The following FCRL2 variants were observed in gnomAD, a reference collection of about 807,000 sequenced individuals.
FCRL2 encodes Fc receptor like 2.
FCRL2 carries 48 observed loss-of-function variants against 59.8 expected under a neutral mutation model. The ratio of observed to expected loss-of-function variants is 0.80; its 90% CI spans 0.64 to 1.02. The LOEUF (loss-of-function observed/expected upper bound fraction) is 1.02, where lower values mean the gene tolerates loss of function less well. Among genes scored for constraint, FCRL2 ranks in the 50% least tolerant of loss-of-function variants. FCRL2 has a pLI of 0.00. For synonymous variants in FCRL2, 251 were observed against 229.5 expected (o/e 1.09, Z -0.85); for missense variants, 658 against 597.3 (o/e 1.10, Z -1.06).
At chr1:157,761,251 G>A (rs1649083582) in intron 7 of FCRL2, among the ~76,000 whole-genome samples, 4 of 152,174 alleles carry the variant, frequency 2.6e-5, no homozygotes. Flanking sequence ...TACAGGTTCT[G>A]GTCTGCCCTT....
intron 2 of FCRL2, among the ~76,000 whole-genome samples, chr1:157,771,328 C>T (rs753330340): frequency 4.6e-5 from 7 of 152,154 alleles, no homozygotes; most frequent in Non-Finnish European, 8.8e-5. Flanking sequence ...ATTTTTTCAT[C>T]CTCCATGCTG....
chr1:157,775,681 C>T (rs1650352497), intron 2 of FCRL2, 94 bp downstream of exon 2: 1 of 1,409,644 alleles, frequency 7.1e-7, no homozygotes, highest in Admixed American at 1.8e-5. Flanking sequence ...AGGACATCTT[C>T]ACAGGCTTTC....
chr1:157,765,357 C>T (rs1174861429), intron 7 of FCRL2, among the ~76,000 whole-genome samples: 1 of 152,114 alleles, frequency 6.6e-6, no homozygotes, highest in Non-Finnish European at 1.5e-5. Flanking sequence ...TCAAATTCTA[C>T]CAAATGTATA....
At position 157,775,777 on chromosome 1, in the gene FCRL2, G is replaced by A; in HGVS notation, c.50C>T (p.Ala17Val). The A allele has an allele frequency of 6.2e-7, 1 of 1,614,060 alleles. No individual in the cohort carries two copies. The highest frequency in any genetic ancestry group is 8.5e-7 in the Non-Finnish European group (1 of 1,179,946). The change falls in exon 2 of 12, where the codon GCA (alanine) becomes GTA (valine). Residue 17 changes from alanine to valine, a missense_variant and splice_region_variant. By Grantham distance (64) the Ala-to-Val change is moderately conservative. Transcript: ENST00000361516. ...LVIFDAVTEQ[A>V]DSLTLVAPSS... is the part of the protein sequence containing the mutation. Reference sequence around the variant, plus strand: ...CAACAAAGACAAGGAGGACTCACCTGCCTGTTCAGTGACTGCATCTGTGAG... The same window carrying A: ...CAACAAAGACAAGGAGGACTCACCTACCTGTTCAGTGACTGCATCTGTGAG...
chr1:157,748,279 C>T (rs955482055), intron 10 of FCRL2, among the ~76,000 whole-genome samples: 12 of 151,892 alleles, frequency 7.9e-5, no homozygotes, highest in South Asian at 6.2e-4. Flanking sequence ...GGCGTGGTGG[C>T]GCATGCCTCT....
intron 6 of FCRL2, 91 bp from the exon 7 acceptor site, chr1:157,767,062 A>C: frequency 7.3e-7 from 1 of 1,360,652 alleles, no homozygotes; most frequent in Non-Finnish European, 1.0e-6. Flanking sequence ...TACAAATTCA[A>C]GTAAGAGATC....
intron 7 of FCRL2, among the ~76,000 whole-genome samples, chr1:157,763,321 G>A (rs11264815): frequency 0.22 from 33,521 of 151,946 alleles, 3,792 homozygotes; most frequent in Non-Finnish European, 0.24. Flanking sequence ...TCACGAGTTT[G>A]AGACTAGCCT....
At chr1:157,776,363 G>A (rs1361401092) in intron 1 of FCRL2, among the ~76,000 whole-genome samples, 1 of 152,102 alleles carries the variant, frequency 6.6e-6, no homozygotes, top group African/African-American at 2.4e-5. Context: ...TCCACCTCCC[G>A]GGTTCAAGCA....
intron 7 of FCRL2, among the ~76,000 whole-genome samples, chr1:157,758,680 C>CAAAAAAAAAAAAAAAA (rs59716565): frequency 1.3e-4 from 7 of 55,402 alleles, no homozygotes; most frequent in African/African-American, 2.0e-4. Context: ...CAGTCCCAAG[C>CAAAAAAAAAAAAAAAA]AAAAAAAAAA....
intron 5 of FCRL2, 166 bp from the exon 6 acceptor site, chr1:157,767,675 T>C: frequency 6.3e-7 from 1 of 1,583,446 alleles, no homozygotes; most frequent in Non-Finnish European, 8.6e-7. Context: ...AACAATATAT[T>C]TAGACGTTTG....
chr1:157,766,972 C>T lies in FCRL2; in HGVS notation c.1163-1G>A. The T allele has an allele frequency of 1.2e-6, 2 of 1,611,182 alleles. No homozygotes were observed. The highest frequency in any genetic ancestry group is 1.7e-6 in the Non-Finnish European group (2 of 1,179,084). The stretch of plus-strand genomic sequence containing the variant: ...AGGTCTCTTCTATAGCCATCAGGTC[C>T]TGAGGAAAGAAAGCAGTGCTTCAGC... On this transcript the variant is annotated splice_acceptor_variant, in intron 6 of 11. Coordinates refer to ENST00000361516, the MANE Select transcript of FCRL2 (RefSeq NM_030764.4). LOFTEE classifies it high-confidence loss of function.
chr1:157,776,168 T>C (rs1191617689), intron 1 of FCRL2, among the ~76,000 whole-genome samples: 1 of 152,202 alleles, frequency 6.6e-6, no homozygotes, highest in Non-Finnish European at 1.5e-5. Flanking sequence ...TCAGGAAACA[T>C]ACATTGTGAG....
At chr1:157,775,255 C>A (rs1312834574) in intron 2 of FCRL2, among the ~76,000 whole-genome samples, 3 of 152,268 alleles carry the variant, frequency 2.0e-5, no homozygotes, top group Admixed American at 2.0e-4. Flanking sequence ...AGTTACGGCA[C>A]ACACCTGAAA....
intron 5 of FCRL2, 85 bp downstream of exon 5, chr1:157,768,329 G>A: frequency 1.4e-6 from 2 of 1,411,500 alleles, no homozygotes; most frequent in Non-Finnish European, 9.7e-7. Context: ...AATCCCTGGG[G>A]CCTCCTGAAA....
At chr1:157,776,514 C>A (rs987185790) in intron 1 of FCRL2, among the ~76,000 whole-genome samples, 1 of 152,126 alleles carries the variant, frequency 6.6e-6, no homozygotes, top group African/African-American at 2.4e-5. Flanking sequence ...AGTGATCCAC[C>A]AGCCTTGGAC....
In FCRL2 at chr1:157,749,692, A is replaced by G; in HGVS notation, c.1280-15T>C. ...AGAACTTTCTCCTGAAATGCAAATAAAACAAAATTCATTTCAGAGAAGGAA... is the reference window on the plus strand; with the variant it reads ...AGAACTTTCTCCTGAAATGCAAATAGAACAAAATTCATTTCAGAGAAGGAA... On this transcript the variant is annotated splice_polypyrimidine_tract_variant and intron_variant, in intron 7 of 11. Coordinates refer to ENST00000361516, the MANE Select transcript of FCRL2 (RefSeq NM_030764.4). 1 of 1,604,590 alleles carries G rather than the reference A, an allele frequency of 6.2e-7. No homozygotes were observed. Among genetic ancestry groups the G allele is most frequent in the Non-Finnish European group, 8.5e-7 (1 of 1,173,678 alleles).
intron 8 of FCRL2, 50 bp downstream of exon 8, chr1:157,749,600 G>C (rs1648027324): frequency 7.1e-7 from 1 of 1,407,632 alleles, no homozygotes; most frequent in African/African-American, 1.4e-5. Flanking sequence ...ATTTAAAACT[G>C]AATGAAGGAG....
Position 157,770,409 on chromosome 1 carries a change from C to A in FCRL2, c.310G>T (p.Glu104Ter). 1 of 1,612,564 alleles carries A rather than the reference C, an allele frequency of 6.2e-7. No homozygotes were observed. Among genetic ancestry groups the A allele is most frequent in the South Asian group, 1.1e-5 (1 of 90,792 alleles). Residue 104 changes from glutamate (E) to a stop codon, truncating the protein, a stop_gained and splice_region_variant, in exon 3 of 12, where the codon GAG becomes TAG. Coordinates refer to ENST00000361516, the MANE Select transcript of FCRL2 (RefSeq NM_030764.4). LOFTEE classifies it high-confidence loss of function. Reference sequence around the variant, plus strand: ...CATCCCACAGAAGTCAGGGTTTTACCTTGGACTTTTATCTTTACTATATTT... The same window carrying A: ...CATCCCACAGAAGTCAGGGTTTTACATTGGACTTTTATCTTTACTATATTT... The part of the protein sequence containing the change: ...TSNIVKIKVQ[E>*]LFQRPVLTAS...
rs918963134 is a variant in FCRL2, at chr1:157,745,826, T to C, written c.*910A>G. The C allele has an allele frequency of 1.3e-5, 2 of 152,240 alleles. No homozygotes were observed. Among genetic ancestry groups the C allele is most frequent in the African/African-American group, 4.8e-5 (2 of 41,454 alleles). 9.4% of individuals were successfully genotyped at this position (152,240 alleles called of 1,614,324 possible). On this transcript the variant is annotated 3_prime_UTR_variant, in exon 12 of 12. Transcript: ENST00000361516. ...ATTTACTATGTCAAAAATCACATTT[T>C]TGCAACTATATGCATACTTTGGTGA...
Sources: allele counts gnomAD v4.1 joint callset (sites outside exome capture counted in the v4.1 genomes callset), GRCh38; gene constraint gnomAD v4.1.1; transcripts MANE v1.5; gene names NCBI Gene and HGNC (gene_info 2026-07-23, HGNC 2026-07-21).